The following ZBTB20 variants were observed in gnomAD, a reference collection of about 807,000 sequenced individuals.
The protein encoded by ZBTB20 is zinc finger and BTB domain containing 20, also known as zinc finger and BTB domain-containing protein 20.
A neutral mutation model predicts 56.9 loss-of-function variants in ZBTB20; 9 were observed. The ratio of observed to expected loss-of-function variants is 0.16; its 90% confidence interval spans 0.10 to 0.28. ZBTB20 has a LOEUF of 0.28. Ranked by LOEUF, ZBTB20 falls within the 10% of genes least tolerant of loss-of-function variation. ZBTB20 has a pLI of 1.00. For synonymous variants in ZBTB20, 417 were observed against 420.7 expected, an observed-to-expected ratio of 0.99 and a Z score of 0.11; for missense variants, 655 against 1,003.0, an observed-to-expected ratio of 0.65 and a Z score of 4.69.
At chr3:114,786,388 C>T (rs1345250193) in intron 5 of ZBTB20, among the ~76,000 whole-genome samples, 6 of 151,812 alleles carry the variant, frequency 4.0e-5, no homozygotes, top group Admixed American at 2.0e-4. Flanking sequence ...TGAGAACATG[C>T]GGTGTTTGGT....
intron 4 of ZBTB20, among the ~76,000 whole-genome samples, chr3:114,888,016 C>T (rs1278437631): frequency 4.0e-5 from 6 of 151,744 alleles, no homozygotes; most frequent in Non-Finnish European, 5.9e-5. Context: ...TGCAGATGCC[C>T]TCCAAAAGTG....
At chr3:114,822,561 T>C (rs867514230) in intron 4 of ZBTB20, among the ~76,000 whole-genome samples, 12 of 152,012 alleles carry the variant, frequency 7.9e-5, no homozygotes, top group Admixed American at 3.3e-4. Flanking sequence ...TCTGGACACA[T>C]CAAAAATAGA....
intron 7 of ZBTB20, among the ~76,000 whole-genome samples, chr3:114,477,792 G>C (rs1168429466): frequency 6.6e-6 from 1 of 151,662 alleles, no homozygotes. Flanking sequence ...ACCGCGCCCG[G>C]TCCGTACCCT....
At chr3:114,456,669 A>G (rs1042542699) in intron 7 of ZBTB20, among the ~76,000 whole-genome samples, 10 of 152,184 alleles carry the variant, frequency 6.6e-5, no homozygotes, top group Admixed American at 3.3e-4. Context: ...CTTTTTCGGG[A>G]CACATATGAT....
intron 4 of ZBTB20, among the ~76,000 whole-genome samples, chr3:114,802,041 A>T (rs185923338): frequency 0.012 from 1,754 of 152,034 alleles, 16 homozygotes; most frequent in South Asian, 0.042. Context: ...AGTATTTTTT[A>T]AATTAAAAAA....
chr3:114,377,642 A>G (rs568748003), intron 10 of ZBTB20, among the ~76,000 whole-genome samples: 2 of 152,270 alleles, frequency 1.3e-5, no homozygotes, highest in South Asian at 2.1e-4. Flanking sequence ...CATTTTCAAG[A>G]TGCCTGTTCA....
chr3:114,457,385 G>A lies in ZBTB20; in HGVS notation c.-255+42967C>T, dbSNP rs562713319. On this transcript the variant is annotated intron_variant, in intron 7 of 11. Coordinates refer to ENST00000675478, the MANE Select transcript of ZBTB20 (RefSeq NM_001348800.3). ...TGGAGGAAGGTGTGTAAACAAAAGTGTATATTATGGATGTGCTGAGTGTGT... is the reference window on the plus strand; with the variant it reads ...TGGAGGAAGGTGTGTAAACAAAAGTATATATTATGGATGTGCTGAGTGTGT... 1.7e-4 allele frequency among the ~76,000 whole-genome samples: 26 copies of A among 152,268 alleles called. No individual in the cohort carries two copies. The South Asian group carries it at 5.2e-3, about 30-fold the overall frequency.
At position 114,316,779 on chromosome 3, in the gene ZBTB20, T is replaced by G. The variant is rs1490646380; in HGVS notation, c.*22226A>C. On this transcript the variant is annotated 3_prime_UTR_variant, in exon 12 of 12. Coordinates refer to ENST00000675478, the MANE Select transcript of ZBTB20 (RefSeq NM_001348800.3). The stretch of plus-strand genomic sequence containing the variant: ...TTCTCAGCCCCAAGCAAGAGAAACC[T>G]GGGTTTGGTCATGCTGGGGGCTGAC... 6.5e-6 allele frequency: 2 copies of G among 307,944 alleles called. No homozygotes were observed. Among genetic ancestry groups the G allele is most frequent in the African/African-American group, 2.3e-5 (1 of 43,474 alleles). 19.1% of individuals were successfully genotyped at this position (307,944 alleles called of 1,614,324 possible). A position where few individuals can be genotyped will look rare whatever the true frequency, so the allele number is the denominator to read the frequency against.
intron 1 of ZBTB20, among the ~76,000 whole-genome samples, chr3:115,090,041 C>T (rs2083129197): frequency 6.6e-6 from 1 of 151,752 alleles, no homozygotes; most frequent in East Asian, 1.9e-4. Context: ...TTACTAGGAT[C>T]TTTGGTGTAG....
chr3:114,815,114 T>C (rs925777311), intron 4 of ZBTB20, among the ~76,000 whole-genome samples: 3 of 152,196 alleles, frequency 2.0e-5, no homozygotes, highest in Non-Finnish European at 4.4e-5. Flanking sequence ...CACTAAAGAA[T>C]GCTTTAAAAA....
At chr3:114,411,422 A>G (rs879243787) in intron 7 of ZBTB20, among the ~76,000 whole-genome samples, 3 of 152,178 alleles carry the variant, frequency 2.0e-5, no homozygotes, top group African/African-American at 7.2e-5. Context: ...AATAAAAGGG[A>G]AAAAAAGTGT....
At chr3:114,846,150 T>C (rs2074691589) in intron 4 of ZBTB20, among the ~76,000 whole-genome samples, 1 of 152,072 alleles carries the variant, frequency 6.6e-6, no homozygotes. Context: ...TATACCTATA[T>C]AATGTGTGTG....
chr3:114,992,493 A>G lies in ZBTB20; in HGVS notation c.-506-18077T>C, dbSNP rs1030561309. ...AAACAAGTTAGAATGAAAGCTATAA[A>G]GGGAAATCTCTGGGTGTCAGACAAA... On this transcript the variant is annotated intron_variant, in intron 2 of 11. Transcript: ENST00000675478. Among the ~76,000 whole-genome samples, 3 of 152,016 alleles carry G rather than the reference A, an allele frequency of 2.0e-5. 1 individual carries two copies. The South Asian group carries it at 6.2e-4, about 31-fold the overall frequency.
chr3:114,581,455 A>G (rs2054624117), intron 6 of ZBTB20, among the ~76,000 whole-genome samples: 1 of 152,032 alleles, frequency 6.6e-6, no homozygotes, highest in Non-Finnish European at 1.5e-5. Context: ...AACAAATACT[A>G]CTAAAGCCAC....
At chr3:114,851,360 C>A (rs13062894) in intron 4 of ZBTB20, among the ~76,000 whole-genome samples, 114,522 of 152,124 alleles carry the variant, frequency 0.75, 47,460 homozygotes, top group East Asian at 0.99. Flanking sequence ...TAGTGGTAGC[C>A]CAGAAACTTT....
intron 6 of ZBTB20, among the ~76,000 whole-genome samples, chr3:114,516,615 T>C (rs2046024841): frequency 6.6e-6 from 1 of 152,180 alleles, no homozygotes; most frequent in Non-Finnish European, 1.5e-5. Flanking sequence ...GATGTGTGAA[T>C]AGGGTCATTG....
intron 5 of ZBTB20, among the ~76,000 whole-genome samples, chr3:114,791,069 A>G (rs1274476303): frequency 6.6e-6 from 1 of 152,114 alleles, no homozygotes; most frequent in Non-Finnish European, 1.5e-5. Flanking sequence ...GCCTTATTCC[A>G]TGGAACTCTA....
chr3:115,003,588 G>C (rs1157235037), intron 2 of ZBTB20, among the ~76,000 whole-genome samples: 1 of 151,624 alleles, frequency 6.6e-6, no homozygotes, highest in Non-Finnish European at 1.5e-5. Flanking sequence ...CCAGCAACTT[G>C]GGAGGCTGAG....
intron 5 of ZBTB20, among the ~76,000 whole-genome samples, chr3:114,776,668 A>C (rs1347128021): frequency 6.6e-6 from 1 of 152,226 alleles, no homozygotes; most frequent in Non-Finnish European, 1.5e-5. Context: ...AAACTAATAC[A>C]AATGGTAACC....
Sources: gnomAD v4.1 joint callset for allele counts (sites outside exome capture counted in the v4.1 genomes callset) on GRCh38, gnomAD v4.1.1 for gene constraint, MANE v1.5 for transcripts, NCBI Gene and HGNC (gene_info 2026-07-23, HGNC 2026-07-21) for gene names.